KCNQ1: variants seen among roughly 807,000 people sequenced by gnomAD.
The protein encoded by KCNQ1 is potassium voltage-gated channel subfamily KQT member 1.
In KCNQ1, 49 loss-of-function variants were observed where a neutral mutation model predicts 72.4. The observed-to-expected ratio is 0.68, with a 90% CI of 0.54 to 0.86. The LOEUF (loss-of-function observed/expected upper bound fraction) is 0.86. KCNQ1 is among the 40% of genes least tolerant of loss of function. The pLI is 0.00. For synonymous variants in KCNQ1, 450 were observed against 412.6 expected, an observed-to-expected ratio of 1.09 and a Z score of -1.10; for missense variants, 790 against 945.1, an observed-to-expected ratio of 0.84 and a Z score of 2.15.
At chr11:2,461,699 C>A (rs141322646) in intron 1 of KCNQ1, 2 of 1,366,924 alleles carry the variant, frequency 1.5e-6, no homozygotes, top group Non-Finnish European at 2.0e-6. Context: ...TGAGCCAGTG[C>A]GGGGCCTGGC....
rs567383645 is a variant in KCNQ1 at position 2,808,127 on chromosome 11, C to A, written c.1794+30090C>A. 2.6e-5 allele frequency among the ~76,000 whole-genome samples: 4 copies of A among 152,290 alleles called. No individual in the cohort carries two copies. The highest frequency in any genetic ancestry group is 7.2e-5 in the African/African-American group (3 of 41,580). ...CACCACTGTGGGCACCACTTGGGCACCCTGTGGGCTTATTTTCCCTGCCCA... is the reference window on the plus strand; with the variant it reads ...CACCACTGTGGGCACCACTTGGGCAACCTGTGGGCTTATTTTCCCTGCCCA... On this transcript the variant is annotated intron_variant, in intron 15 of 15. Coordinates refer to ENST00000155840, the MANE Select transcript of KCNQ1 (RefSeq NM_000218.3). This position sits in a 1 kb window ranked among gnomAD's most constrained non-coding sequence, Gnocchi z 6.0.
intron 10 of KCNQ1, among the ~76,000 whole-genome samples, chr11:2,594,180 A>G (rs1411176630): frequency 6.6e-6 from 1 of 152,140 alleles, no homozygotes; most frequent in Non-Finnish European, 1.5e-5. Context: ...CTTTGCCTTT[A>G]TTCTTGGATG....
rs577380916 is a variant in KCNQ1 at position 2,723,555 on chromosome 11, A to G, written c.1515-45289A>G. On this transcript the variant is annotated intron_variant, in intron 11 of 15. Transcript: ENST00000155840. The surrounding 1 kb of genome is among the most constrained non-coding windows in gnomAD (Gnocchi z 4.2). ...TTACTGTAGCAGTGGGCCTGGAGGC[A>G]GTGGCATTTAGAGAGGACCCTGAAG... Among the ~76,000 whole-genome samples, 3 of 152,220 alleles carry G rather than the reference A, an allele frequency of 2.0e-5. No individual in the cohort carries two copies. Among genetic ancestry groups the G allele is most frequent in the Non-Finnish European group, 4.4e-5 (3 of 68,038 alleles).
At chr11:2,684,550 C>T (rs560238703) in intron 11 of KCNQ1, 2 of 398,666 alleles carry the variant, frequency 5.0e-6, no homozygotes, top group Non-Finnish European at 8.8e-6. Flanking sequence ...TTGATGCTTT[C>T]TCCATGTCCC....
intron 15 of KCNQ1, among the ~76,000 whole-genome samples, chr11:2,841,286 C>G (rs1189490481): frequency 6.6e-6 from 1 of 152,130 alleles, no homozygotes; most frequent in African/African-American, 2.4e-5. Flanking sequence ...GGGGGCACTG[C>G]AAAAGGAGAC....
At chr11:2,847,492 C>A (rs1185342659) in intron 15 of KCNQ1, among the ~76,000 whole-genome samples, 1 of 152,212 alleles carries the variant, frequency 6.6e-6, no homozygotes, top group Non-Finnish European at 1.5e-5. Flanking sequence ...GAGCTCCTGG[C>A]CCTGAGCCTG....
Position 2,679,473 on chromosome 11 carries a change from A to G in KCNQ1, c.1514+17392A>G. 2.5e-6 allele frequency: 1 copy of G among 398,644 alleles called. No individual in the cohort carries two copies. Among genetic ancestry groups the G allele is most frequent in the East Asian group, 3.6e-5 (1 of 28,082 alleles). 24.7% of individuals were successfully genotyped at this position (398,644 alleles called of 1,614,324 possible). On this transcript the variant is annotated intron_variant, in intron 11 of 15. Coordinates refer to ENST00000155840, the MANE Select transcript of KCNQ1 (RefSeq NM_000218.3). The surrounding 1 kb of genome is among the most constrained non-coding windows in gnomAD (Gnocchi z 4.8). The stretch of plus-strand genomic sequence containing the variant: ...AAATTAATAATATAAAGTATGCAGA[A>G]AAGTGCCTGTCCTATAGTAGTGACA...
chr11:2,757,700 T>G (rs1310229393), intron 11 of KCNQ1, among the ~76,000 whole-genome samples: 1 of 152,232 alleles, frequency 6.6e-6, no homozygotes, highest in East Asian at 1.9e-4. Context: ...GATTTGATAT[T>G]GGAGGAATAA....
Position 2,651,706 on chromosome 11 carries a change from C to T in KCNQ1, c.1394-10255C>T. ...TCTGTTTCCTGTAATAGGCCATTTC[C>T]TAAGTAAGCATCATCCTCATTTCTA... On this transcript the variant is annotated intron_variant, in intron 10 of 15. Coordinates refer to ENST00000155840, the MANE Select transcript of KCNQ1 (RefSeq NM_000218.3). This position sits in a 1 kb window ranked among gnomAD's most constrained non-coding sequence, Gnocchi z 6.1. 2.5e-6 allele frequency: 1 copy of T among 398,604 alleles called. No individual in the cohort carries two copies. The highest frequency in any genetic ancestry group is 4.4e-6 in the Non-Finnish European group (1 of 226,060). The allele number at this position is 398,604 out of a possible 1,614,324, so 24.7% of individuals were successfully genotyped here. A position where few individuals can be genotyped will look rare whatever the true frequency, so the allele number is the denominator to read the frequency against.
chr11:2,790,258 C>T (rs895593561), intron 15 of KCNQ1, among the ~76,000 whole-genome samples: 3 of 152,314 alleles, frequency 2.0e-5, no homozygotes, highest in Middle Eastern at 6.8e-3. Flanking sequence ...GTTGTCTACA[C>T]TGTCCCCACT....
chr11:2,465,199 G>A (rs753209642), intron 1 of KCNQ1, among the ~76,000 whole-genome samples: 37 of 151,952 alleles, frequency 2.4e-4, no homozygotes, highest in African/African-American at 3.1e-4. Flanking sequence ...TCACTCTGTC[G>A]CCTAGGTTAG....
At chr11:2,576,574 A>G (rs1027519423) in intron 6 of KCNQ1, among the ~76,000 whole-genome samples, 3 of 152,076 alleles carry the variant, frequency 2.0e-5, no homozygotes, top group Non-Finnish European at 2.9e-5. Flanking sequence ...AGAAGCTGGA[A>G]CCCCATTCCT....
chr11:2,502,417 A>C (rs1390444736), intron 1 of KCNQ1, among the ~76,000 whole-genome samples: 2 of 152,226 alleles, frequency 1.3e-5, no homozygotes, highest in East Asian at 3.8e-4. Context: ...CTGAAAAACA[A>C]ATCAAGAAAG....
intron 2 of KCNQ1, among the ~76,000 whole-genome samples, chr11:2,533,837 G>T (rs1470160028): frequency 6.6e-6 from 1 of 152,220 alleles, no homozygotes; most frequent in Non-Finnish European, 1.5e-5. Context: ...CACAAAGAGA[G>T]AGGCACTCAA....
At chr11:2,618,235 C>T (rs926161754) in intron 10 of KCNQ1, 8 of 398,228 alleles carry the variant, frequency 2.0e-5, no homozygotes, top group African/African-American at 6.2e-5. Flanking sequence ...TTTGGCTTCC[C>T]GGGGCCACAC....
rs1431183502 is a variant in KCNQ1, at chr11:2,495,494, A to G, written c.387-32434A>G. Among the ~76,000 whole-genome samples, 6 of 152,212 alleles carry G rather than the reference A, an allele frequency of 3.9e-5. No homozygotes were observed. The highest frequency in any genetic ancestry group is 3.9e-4 in the Admixed American group (6 of 15,280). On this transcript the variant is annotated intron_variant, in intron 1 of 15. Coordinates refer to ENST00000155840, the MANE Select transcript of KCNQ1 (RefSeq NM_000218.3). The surrounding 1 kb of genome is among the most constrained non-coding windows in gnomAD (Gnocchi z 4.6). The stretch of plus-strand genomic sequence containing the variant: ...CATTTAGTGCTATAAATTTGCCTCT[A>G]AACACTGCTTTAGCTGTGTCCCAGA...
At chr11:2,459,697 G>A (rs1463844525) in intron 1 of KCNQ1, among the ~76,000 whole-genome samples, 9 of 151,684 alleles carry the variant, frequency 5.9e-5, no homozygotes, top group Admixed American at 2.6e-4. Context: ...AGACCACCCC[G>A]GAGGCCCCCT....
chr11:2,811,083 GGTGGGC>G (rs1490284139), intron 15 of KCNQ1, among the ~76,000 whole-genome samples: 2 of 152,194 alleles, frequency 1.3e-5, no homozygotes, highest in Non-Finnish European at 2.9e-5. Flanking sequence ...GCGAGACCCG[GGTGGGC>G]GTGGACCCTA....
rs753745280 is a variant in KCNQ1, at chr11:2,538,570, T to C, written c.477+10552T>C. Among the ~76,000 whole-genome samples, 48 of 152,130 alleles carry C rather than the reference T, an allele frequency of 3.2e-4. No individual in the cohort carries two copies. Among genetic ancestry groups the C allele is most frequent in the Non-Finnish European group, 5.3e-4 (36 of 68,028 alleles). ...TGACATTCTTTCATGCGAAATCTGCTTGCGGGAGAGTCGTGAAAGTGGGAA... is the reference window on the plus strand; with the variant it reads ...TGACATTCTTTCATGCGAAATCTGCCTGCGGGAGAGTCGTGAAAGTGGGAA... On this transcript the variant is annotated intron_variant, in intron 2 of 15. Transcript: ENST00000155840. The surrounding 1 kb of genome is among the most constrained non-coding windows in gnomAD (Gnocchi z 6.7).
Sources: gnomAD v4.1 joint callset for allele counts (sites outside exome capture counted in the v4.1 genomes callset) on GRCh38, gnomAD v4.1.1 for gene constraint, Gnocchi (gnomAD v3.1) non-coding constraint, MANE v1.5 for transcripts, NCBI Gene and HGNC (gene_info 2026-07-23, HGNC 2026-07-21) for gene names.